CAST: variants seen among roughly 807,000 people sequenced by gnomAD.
CAST encodes the protein MIR583 host.
A neutral mutation model predicts 119.6 loss-of-function variants in CAST; 76 were observed. The ratio of observed to expected loss-of-function variants is 0.64; its 90% CI spans 0.53 to 0.77. CAST has a LOEUF of 0.77. Among genes scored for constraint, CAST ranks in the 30% least tolerant of loss-of-function variants. CAST has a pLI of 0.00. For missense variants in CAST, 953 were observed against 946.5 expected (o/e 1.01, Z -0.09); for synonymous variants, 319 against 331.6 (o/e 0.96, Z 0.41).
At chr5:96,329,499 C>T in the CAST span, among the ~76,000 whole-genome samples, 6 of 146,450 alleles carry the variant, frequency 4.1e-5, no homozygotes, top group Admixed American at 2.0e-4. Flanking sequence ...TTACAGGGAT[C>T]CCCCCTAGAA....
the CAST span, among the ~76,000 whole-genome samples, chr5:96,119,545 G>T: frequency 6.6e-6 from 1 of 152,118 alleles, no homozygotes; most frequent in Non-Finnish European, 1.5e-5. Context: ...GATATAAGCT[G>T]GAGGGTTTGC....
the CAST span, among the ~76,000 whole-genome samples, chr5:96,308,359 T>A: frequency 6.6e-6 from 1 of 151,946 alleles, no homozygotes; most frequent in African/African-American, 2.4e-5. Flanking sequence ...ACATCTAACC[T>A]TTTTTCTGAG....
the CAST span, among the ~76,000 whole-genome samples, chr5:96,326,792 T>G: frequency 6.8e-6 from 1 of 146,992 alleles, no homozygotes; most frequent in South Asian, 2.1e-4. Context: ...TGATTATGAA[T>G]AGAGTTCATG....
chr5:96,603,716 T>C (rs894162569), intron 1 of CAST, among the ~76,000 whole-genome samples: 1 of 151,652 alleles, frequency 6.6e-6, no homozygotes, highest in African/African-American at 2.4e-5. Flanking sequence ...TACACAGTCA[T>C]TATCAAGTAT....
the CAST span, chr5:96,429,070 G>T: frequency 8.4e-6 from 5 of 592,998 alleles, no homozygotes; most frequent in African/African-American, 1.9e-5. Context: ...TTTATGGAAA[G>T]AAATTAGAAA....
the CAST span, among the ~76,000 whole-genome samples, chr5:96,417,310 A>C: frequency 5.3e-5 from 8 of 152,162 alleles, no homozygotes; most frequent in Non-Finnish European, 1.0e-4. Context: ...AGGAATTCTA[A>C]GTCAGGACAA....
At chr5:96,220,379 T>A in the CAST span, among the ~76,000 whole-genome samples, 1 of 152,166 alleles carries the variant, frequency 6.6e-6, no homozygotes, top group Non-Finnish European at 1.5e-5. Flanking sequence ...TATAATTAAT[T>A]GAGCTATTCA....
At chr5:96,652,246 T>C (rs552566316) in intron 1 of CAST, among the ~76,000 whole-genome samples, 1 of 152,326 alleles carries the variant, frequency 6.6e-6, no homozygotes, top group East Asian at 1.9e-4. Flanking sequence ...CCAACCTAGG[T>C]TGTAATAATT....
chr5:96,129,541 G>A, the CAST span, among the ~76,000 whole-genome samples: 24 of 152,222 alleles, frequency 1.6e-4, no homozygotes, highest in African/African-American at 5.5e-4. Flanking sequence ...GAACTGTCAT[G>A]AATCACTGCT....
At chr5:96,730,970 A>G (rs571082603) in intron 9 of CAST, 110 bp downstream of exon 9, 19 of 768,448 alleles carry the variant, frequency 2.5e-5, no homozygotes, top group Admixed American at 4.4e-5. Flanking sequence ...AACACTGCTT[A>G]TATGTAAAAT....
At chr5:96,458,581 A>G in the CAST span, among the ~76,000 whole-genome samples, 1 of 152,188 alleles carries the variant, frequency 6.6e-6, no homozygotes, top group African/African-American at 2.4e-5. Flanking sequence ...GAATGGATAT[A>G]ATTTCAGAAG....
chr5:96,015,228 G>A, the CAST span, among the ~76,000 whole-genome samples: 2 of 152,090 alleles, frequency 1.3e-5, no homozygotes, highest in African/African-American at 4.8e-5. Flanking sequence ...TTCCTAAAAT[G>A]TCCTATGTTG....
At chr5:96,171,420 G>C in the CAST span, among the ~76,000 whole-genome samples, 1 of 152,166 alleles carries the variant, frequency 6.6e-6, no homozygotes, top group Non-Finnish European at 1.5e-5. Flanking sequence ...AGAAAAGAGA[G>C]GGTAGAGACA....
chr5:96,186,589 G>T, the CAST span, among the ~76,000 whole-genome samples: 1 of 152,108 alleles, frequency 6.6e-6, no homozygotes, highest in Admixed American at 6.5e-5. Flanking sequence ...AGCTTTTTCT[G>T]CATCTATTGA....
the CAST span, among the ~76,000 whole-genome samples, chr5:96,109,676 T>C: frequency 6.6e-6 from 1 of 152,146 alleles, no homozygotes; most frequent in Non-Finnish European, 1.5e-5. Context: ...GCTTGAAGAT[T>C]GTATCTTCTG....
chr5:96,043,728 T>G, the CAST span, among the ~76,000 whole-genome samples: 2 of 152,192 alleles, frequency 1.3e-5, no homozygotes, highest in Non-Finnish European at 2.9e-5. Flanking sequence ...CTGTATAGAC[T>G]TCCCTTCAAG....
chr5:96,362,182 C>T, the CAST span, among the ~76,000 whole-genome samples: 3 of 152,112 alleles, frequency 2.0e-5, no homozygotes, highest in South Asian at 6.2e-4. Context: ...TTTATGGCTG[C>T]ATAGTATTCC....
chr5:96,407,071 G>T, the CAST span, among the ~76,000 whole-genome samples: 1 of 152,098 alleles, frequency 6.6e-6, no homozygotes, highest in African/African-American at 2.4e-5. Context: ...ATATGGTAAA[G>T]AAACCATAAT....
chr5:96,513,180 G>A, the CAST span, among the ~76,000 whole-genome samples: 7 of 152,278 alleles, frequency 4.6e-5, no homozygotes, highest in East Asian at 1.3e-3. Context: ...TGGTTAGTGG[G>A]GGTTGCATTA....
Sources: allele counts gnomAD v4.1 joint callset (sites outside exome capture counted in the v4.1 genomes callset), GRCh38; gene constraint gnomAD v4.1.1; transcripts MANE v1.5; gene names NCBI Gene and HGNC (gene_info 2026-07-23, HGNC 2026-07-21).